The following ADAMTS6 variants were observed in gnomAD, a reference collection of about 807,000 sequenced individuals.
The protein encoded by ADAMTS6 is A disintegrin and metalloproteinase with thrombospondin motifs 6.
A neutral mutation model predicts 144.3 loss-of-function variants in ADAMTS6; 23 were observed. The ratio of observed to expected loss-of-function variants is 0.16; its 90% CI spans 0.11 to 0.23. The LOEUF is 0.23. ADAMTS6 is among the 10% of genes least tolerant of loss of function. ADAMTS6 has a pLI of 1.00. For synonymous variants in ADAMTS6, 444 were observed against 457.5 expected (o/e 0.97, Z 0.38); for missense variants, 999 against 1,379.6 (o/e 0.72, Z 4.37).
At chr5:65,267,091 T>C (rs1761681866) in intron 12 of ADAMTS6, among the ~76,000 whole-genome samples, 1 of 150,460 alleles carries the variant, frequency 6.6e-6, no homozygotes, top group Non-Finnish European at 1.5e-5. Context: ...AACCACATAA[T>C]AATGAGATTC....
At position 65,409,748 on chromosome 5, in the gene ADAMTS6, A is replaced by G. The variant is rs1023950977; in HGVS notation, c.1073+41727T>C. On this transcript the variant is annotated intron_variant, in intron 7 of 24. Coordinates refer to ENST00000381055, the MANE Select transcript of ADAMTS6 (RefSeq NM_197941.4). ...ATGAACATCGATGCAAAAATCCTCA[A>G]TAAAATACTGGCAAACTGAATCCAG... 3.9e-5 allele frequency among the ~76,000 whole-genome samples: 6 copies of G among 152,378 alleles called. No homozygotes were observed. The East Asian group carries it at 9.6e-4, about 24-fold the overall frequency.
rs182769648 is a variant in ADAMTS6, at chr5:65,443,205, G to A, written c.1073+8270C>T. On this transcript the variant is annotated intron_variant, in intron 7 of 24. Coordinates refer to ENST00000381055, the MANE Select transcript of ADAMTS6 (RefSeq NM_197941.4). ...TTTGGGTATATACCCAGGCCACACCGTCTTCCACAATGCTTGAAATAGAAA... is the reference window on the plus strand; with the variant it reads ...TTTGGGTATATACCCAGGCCACACCATCTTCCACAATGCTTGAAATAGAAA... Among the ~76,000 whole-genome samples, 8 of 152,230 alleles carry A rather than the reference G, an allele frequency of 5.3e-5. No homozygotes were observed. In the South Asian group the frequency reaches 6.2e-4, roughly 12 times the overall value.
chr5:65,232,439 A>T (rs1037004845), intron 15 of ADAMTS6, among the ~76,000 whole-genome samples: 1 of 152,104 alleles, frequency 6.6e-6, no homozygotes, highest in Non-Finnish European at 1.5e-5. Context: ...TTTAAGATAA[A>T]CAAAATTGAC....
In ADAMTS6 at chr5:65,432,811, C is replaced by T. The variant is rs114328126; in HGVS notation, c.1073+18664G>A. Among the ~76,000 whole-genome samples, 1,089 of 152,226 alleles carry T rather than the reference C, an allele frequency of 7.2e-3. 13 individuals carry two copies. The highest frequency in any genetic ancestry group is 0.025 in the African/African-American group (1,023 of 41,548). ...ATATCATCCTCCCCTTTGTTCACTA[C>T]ATGTCACTTCTTTTCCTCAAACCCA... On this transcript the variant is annotated intron_variant, in intron 7 of 24. Coordinates refer to ENST00000381055, the MANE Select transcript of ADAMTS6 (RefSeq NM_197941.4).
chr5:65,340,216 T>G lies in ADAMTS6; in HGVS notation c.1074-6131A>C, dbSNP rs367604732. ...TATAGGCCAGGAGAGAATGAGAAGG[T>G]GTATTTAAAGCACTGAAAGAAAAAA... On this transcript the variant is annotated intron_variant, in intron 7 of 24. Coordinates refer to ENST00000381055, the MANE Select transcript of ADAMTS6 (RefSeq NM_197941.4). 1.3e-3 allele frequency among the ~76,000 whole-genome samples: 192 copies of G among 151,922 alleles called. 3 individuals carry two copies. In the South Asian group the frequency reaches 0.018, roughly 14 times the overall value.
At chr5:65,431,810 T>A (rs1757020905) in intron 7 of ADAMTS6, among the ~76,000 whole-genome samples, 1 of 152,026 alleles carries the variant, frequency 6.6e-6, no homozygotes, top group Non-Finnish European at 1.5e-5. Flanking sequence ...TGCATGGAGA[T>A]GTCAATTAAG....
intron 7 of ADAMTS6, among the ~76,000 whole-genome samples, chr5:65,433,610 A>T (rs557119100): frequency 6.6e-6 from 1 of 152,334 alleles, no homozygotes; most frequent in Admixed American, 6.5e-5. Flanking sequence ...TATTTCTTGA[A>T]AAATGATATA....
intron 12 of ADAMTS6, among the ~76,000 whole-genome samples, chr5:65,264,973 G>T (rs1761494098): frequency 6.6e-6 from 1 of 152,064 alleles, no homozygotes; most frequent in Non-Finnish European, 1.5e-5. Context: ...AGATACTGGA[G>T]GGTAAAGAAA....
intron 14 of ADAMTS6, among the ~76,000 whole-genome samples, chr5:65,246,326 C>A (rs1759629441): frequency 6.6e-6 from 1 of 152,148 alleles, no homozygotes; most frequent in African/African-American, 2.4e-5. Context: ...TAAAACAAGG[C>A]AGCAAGGACA....
chr5:65,432,387 T>A (rs942477274), intron 7 of ADAMTS6, among the ~76,000 whole-genome samples: 17 of 152,078 alleles, frequency 1.1e-4, no homozygotes, highest in Non-Finnish European at 1.8e-4. Context: ...TGGCATCCAA[T>A]TCTTTGGGAT....
intron 4 of ADAMTS6, among the ~76,000 whole-genome samples, chr5:65,455,859 T>C (rs1024669971): frequency 3.3e-5 from 5 of 151,988 alleles, no homozygotes; most frequent in African/African-American, 1.2e-4. Context: ...TAGTTGCTGT[T>C]ATCATCATCT....
chr5:65,253,642 A>G (rs1459572870), intron 14 of ADAMTS6, among the ~76,000 whole-genome samples: 1 of 152,106 alleles, frequency 6.6e-6, no homozygotes, highest in Non-Finnish European at 1.5e-5. Context: ...TGGCTCACAC[A>G]TAACAGACAC....
At chr5:65,191,813 C>A (rs535095090) in intron 21 of ADAMTS6, among the ~76,000 whole-genome samples, 2 of 151,918 alleles carry the variant, frequency 1.3e-5, no homozygotes, top group Non-Finnish European at 2.9e-5. Context: ...TAAAAATCAA[C>A]ATAATAAACA....
intron 14 of ADAMTS6, among the ~76,000 whole-genome samples, chr5:65,247,247 C>G (rs1759711431): frequency 6.6e-6 from 1 of 152,200 alleles, no homozygotes; most frequent in Admixed American, 6.5e-5. Flanking sequence ...TCACCACTCT[C>G]TTTCCCAGAG....
At chr5:65,234,452 CTT>C (rs145639535) in intron 15 of ADAMTS6, among the ~76,000 whole-genome samples, 1 of 146,678 alleles carries the variant, frequency 6.8e-6, no homozygotes, top group Non-Finnish European at 1.5e-5. Flanking sequence ...TGTGAATAGA[CTT>C]TTTTTTTTCC....
At chr5:65,203,282 G>A (rs540782514) in intron 20 of ADAMTS6, among the ~76,000 whole-genome samples, 5 of 152,242 alleles carry the variant, frequency 3.3e-5, no homozygotes, top group South Asian at 4.2e-4. Context: ...TCAGCAACTC[G>A]GGAGGCTGAG....
At chr5:65,464,286 A>G (rs550509453) in intron 3 of ADAMTS6, among the ~76,000 whole-genome samples, 30 of 152,354 alleles carry the variant, frequency 2.0e-4, no homozygotes, top group African/African-American at 7.2e-4. Context: ...CCAATTTAGT[A>G]AAATACAGTT....
chr5:65,432,259 A>C (rs1249928327), intron 7 of ADAMTS6, among the ~76,000 whole-genome samples: 1 of 152,060 alleles, frequency 6.6e-6, no homozygotes, highest in Non-Finnish European at 1.5e-5. Flanking sequence ...ATAAGTTTCT[A>C]AATGGAGTTT....
Position 65,224,895 on chromosome 5 carries a change from GTGAGGAAGAGTTCTCTC to G in ADAMTS6, c.2191+12_2191+28del. 6.3e-7 allele frequency: 1 copy of G among 1,593,722 alleles called. No homozygotes were observed. Among genetic ancestry groups the G allele is most frequent in the Admixed American group, 1.8e-5 (1 of 55,012 alleles). On this transcript the variant is annotated intron_variant, in intron 17 of 24. Transcript: ENST00000381055. ...TGGCTCCTCCAAGTACACCAGAGGT[GTGAGGAAGAGTTCTCTC>G]TACATACTCACCTCCCCTGGGCAGT...
Sources: gnomAD v4.1 joint callset for allele counts (sites outside exome capture counted in the v4.1 genomes callset) on GRCh38, gnomAD v4.1.1 for gene constraint, MANE v1.5 for transcripts, NCBI Gene and HGNC (gene_info 2026-07-23, HGNC 2026-07-21) for gene names.